GAL3ST1: variants seen among roughly 807,000 people sequenced by gnomAD.
GAL3ST1 encodes galactose-3-O-sulfotransferase 1, also known as galactosylceramide sulfotransferase.
In GAL3ST1, 13 loss-of-function variants were observed where a neutral mutation model predicts 25.0. The observed-to-expected ratio is 0.52, with a 90% CI of 0.34 to 0.83. The LOEUF is 0.83. GAL3ST1 is among the 40% of genes least tolerant of loss of function. GAL3ST1 has a pLI of 0.02. For missense variants in GAL3ST1, 474 were observed against 613.6 expected (o/e 0.77, Z 2.40); for synonymous variants, 274 against 277.8 (o/e 0.99, Z 0.14).
intron 1 of GAL3ST1, among the ~76,000 whole-genome samples, chr22:30,564,004 C>T (rs1335966722): frequency 6.6e-6 from 1 of 152,096 alleles, no homozygotes; most frequent in Non-Finnish European, 1.5e-5. Flanking sequence ...ACTTGGGTTC[C>T]ATCTCCAAGA....
intron 1 of GAL3ST1, among the ~76,000 whole-genome samples, chr22:30,561,172 G>A (rs569001547): frequency 1.3e-5 from 2 of 152,316 alleles, no homozygotes; most frequent in Non-Finnish European, 2.9e-5. Context: ...TCAAACTCCT[G>A]ACTTCAAGCG....
Position 30,555,258 on chromosome 22 carries a change from C to G in GAL3ST1, c.967G>C (p.Gly323Arg), listed in dbSNP as rs1156431874. ...ASFWRKVEAF[G>R]RERMAREVAA... ...ACCTCGCGGGCCATGCGCTCCCGCCCGAAGGCCTCCACCTTGCGCCAGAAG... is the reference window on the plus strand; with the variant it reads ...ACCTCGCGGGCCATGCGCTCCCGCCGGAAGGCCTCCACCTTGCGCCAGAAG... Residue 323 changes from glycine to arginine, a missense_variant, in exon 4 of 4, where the codon GGG (glycine) becomes CGG (arginine). By Grantham distance (125) the Gly-to-Arg change is moderately radical. Coordinates refer to ENST00000406361, the MANE Select transcript of GAL3ST1 (RefSeq NM_001318104.2). The surrounding 1 kb of genome is among the most constrained non-coding windows in gnomAD (Gnocchi z 8.6). 1 of 1,600,368 alleles carries G rather than the reference C, an allele frequency of 6.2e-7. No individual in the cohort carries two copies. The highest frequency in any genetic ancestry group is 2.2e-5 in the East Asian group (1 of 44,584).
At chr22:30,557,457 C>T in intron 2 of GAL3ST1, 56 bp from the exon 3 acceptor site, 1 of 1,598,228 alleles carries the variant, frequency 6.3e-7, no homozygotes, top group South Asian at 1.1e-5. Context: ...CAGGGAGCCC[C>T]CAAGGCTGCC....
chr22:30,568,896 T>C (rs5753210), intron 1 of GAL3ST1, among the ~76,000 whole-genome samples: 1 of 151,720 alleles, frequency 6.6e-6, no homozygotes, highest in African/African-American at 2.4e-5. Flanking sequence ...GCCAACATGG[T>C]GAAACCCCGT....
rs544166056 is a variant in GAL3ST1 at position 30,557,190 on chromosome 22, T to A, written c.131+72A>T. On this transcript the variant is annotated intron_variant, in intron 3 of 3. Transcript: ENST00000406361. ...TCACTGGGGCAGGCCCTGTGGTAAT[T>A]ACAGGGCCCCATGGGTGGGGTGCCA... 3 of 1,504,096 alleles carry A rather than the reference T, an allele frequency of 2.0e-6. No individual in the cohort carries two copies. In the South Asian group the frequency reaches 3.5e-5, roughly 18 times the overall value. 93.2% of individuals were successfully genotyped at this position (1,504,096 alleles called of 1,614,324 possible). A position where few individuals can be genotyped will look rare whatever the true frequency, so the allele number is the denominator to read the frequency against.
intron 1 of GAL3ST1, among the ~76,000 whole-genome samples, chr22:30,564,534 G>A (rs948300309): frequency 1.3e-5 from 2 of 152,236 alleles, no homozygotes; most frequent in East Asian, 1.9e-4. Context: ...CGGTCCCCCC[G>A]TCACCAGCCC....
At chr22:30,564,064 C>T (rs1030931558) in intron 1 of GAL3ST1, among the ~76,000 whole-genome samples, 2 of 152,178 alleles carry the variant, frequency 1.3e-5, no homozygotes, top group South Asian at 2.1e-4. Context: ...AATCTGAAAT[C>T]CGAAACACTT....
At chr22:30,569,152 G>A (rs967824106) in intron 1 of GAL3ST1, among the ~76,000 whole-genome samples, 6 of 151,922 alleles carry the variant, frequency 3.9e-5, no homozygotes, top group African/African-American at 7.3e-5. Context: ...TAGATCCTGT[G>A]GGCTGTAGGG....
intron 1 of GAL3ST1, among the ~76,000 whole-genome samples, chr22:30,574,073 G>A (rs974687845): frequency 6.6e-6 from 1 of 152,090 alleles, no homozygotes. Flanking sequence ...GGAGACAGGG[G>A]AGATCTCTGC....
chr22:30,573,320 G>T (rs1381695870), intron 1 of GAL3ST1, among the ~76,000 whole-genome samples: 1 of 152,200 alleles, frequency 6.6e-6, no homozygotes, highest in East Asian at 1.9e-4. Context: ...AGACTCCTAT[G>T]ATTTGGAGTC....
At position 30,555,076 on chromosome 22, in the gene GAL3ST1, C is replaced by A. The variant is rs2085909289; in HGVS notation, c.1149G>T (p.Gly383=). 3 of 1,612,586 alleles carry A rather than the reference C, an allele frequency of 1.9e-6. No homozygotes were observed. Among genetic ancestry groups the A allele is most frequent in the Non-Finnish European group, 2.5e-6 (3 of 1,179,752 alleles). The change falls in exon 4 of 4, where the codon GGG becomes GGT. Residue 383 remains glycine, a synonymous_variant. Coordinates refer to ENST00000406361, the MANE Select transcript of GAL3ST1 (RefSeq NM_001318104.2). The surrounding 1 kb of genome is among the most constrained non-coding windows in gnomAD (Gnocchi z 8.6). ...GCCGGCAGAGCTGCGCGTGCCGCTG[C>A]CCGATGCTCTTCTTGAGGTTGTAGC... The part of the protein sequence containing the change: ...ILGYNLKKSI[G]QRHAQLCRRM...
chr22:30,565,846 G>A (rs1034489000), intron 1 of GAL3ST1, among the ~76,000 whole-genome samples: 1 of 152,182 alleles, frequency 6.6e-6, no homozygotes, highest in Non-Finnish European at 1.5e-5. Context: ...CTTGTGCCCA[G>A]AAATGCCTCC....
At chr22:30,571,347 G>C (rs893968226) in intron 1 of GAL3ST1, among the ~76,000 whole-genome samples, 1 of 152,184 alleles carries the variant, frequency 6.6e-6, no homozygotes. Context: ...CTGGAGCAGA[G>C]AGGGGGAAGA....
intron 1 of GAL3ST1, among the ~76,000 whole-genome samples, chr22:30,572,324 C>T (rs917114396): frequency 1.3e-5 from 2 of 152,128 alleles, no homozygotes; most frequent in African/African-American, 2.4e-5. Context: ...TGCACAATGC[C>T]GGAGATACAT....
At position 30,556,404 on chromosome 22, in the gene GAL3ST1, T is replaced by G. The variant is rs527932216; in HGVS notation, c.132-311A>C. ...TGAATCAGTATCAGCTTGGGCCACATGAAACTGCCATTTTATAGGACAAAA... is the reference window on the plus strand; with the variant it reads ...TGAATCAGTATCAGCTTGGGCCACAGGAAACTGCCATTTTATAGGACAAAA... On this transcript the variant is annotated intron_variant, in intron 3 of 3. Transcript: ENST00000406361. Among the ~76,000 whole-genome samples, 8 of 152,270 alleles carry G rather than the reference T, an allele frequency of 5.3e-5. No individual in the cohort carries two copies. In the South Asian group the frequency reaches 1.7e-3, roughly 32 times the overall value.
Position 30,555,458 on chromosome 22 carries a change from T to C in GAL3ST1, c.767A>G (p.Asp256Gly). Residue 256 changes from aspartate (D) to glycine (G), a missense_variant, in exon 4 of 4, where the codon GAC (aspartate) becomes GGC (glycine). Physicochemically the swap from Asp to Gly is moderately conservative, Grantham distance 94. This residue lies in a region of GAL3ST1 where 359 missense variants were observed against 504.4 expected (regional missense o/e 0.71). Coordinates refer to ENST00000406361, the MANE Select transcript of GAL3ST1 (RefSeq NM_001318104.2). This position sits in a 1 kb window ranked among gnomAD's most constrained non-coding sequence, Gnocchi z 8.6. ...GTCCTTCAGCAGCACCAGCGACTCG[T>C]CGAAGTACTCTTGAAGGAGCACCAG... is the stretch of plus-strand genomic sequence containing the variant. The part of the protein sequence containing the change: ...FHLVLLQEYF[D>G]ESLVLLKDLL... The C allele has an allele frequency of 6.2e-7, 1 of 1,613,152 alleles. No individual in the cohort carries two copies. Among genetic ancestry groups the C allele is most frequent in the Admixed American group, 1.7e-5 (1 of 60,028 alleles).
chr22:30,571,943 G>A (rs957124100), intron 1 of GAL3ST1, among the ~76,000 whole-genome samples: 2 of 152,228 alleles, frequency 1.3e-5, no homozygotes, highest in Non-Finnish European at 2.9e-5. Context: ...AGCCCCATGT[G>A]ATGTGTGGGG....
In GAL3ST1 at chr22:30,556,017, C is replaced by G. The variant is rs761774463; in HGVS notation, c.208G>C (p.Gly70Arg). The change falls in exon 4 of 4, where the codon GGG becomes CGG. Residue 70 changes from glycine (G) to arginine (R), a missense_variant. Gly to Arg is a moderately radical substitution (Grantham distance 125). Coordinates refer to ENST00000406361, the MANE Select transcript of GAL3ST1 (RefSeq NM_001318104.2). ...EAVIRANGSA[G>R]ECQPRRNIVF... is the part of the protein sequence containing the mutation. The stretch of plus-strand genomic sequence containing the variant: ...ATGTTGCGCCGCGGCTGGCACTCCC[C>G]CGCCGAGCCGTTGGCCCGGATCACT... 9 of 1,612,620 alleles carry G rather than the reference C, an allele frequency of 5.6e-6. No homozygotes were observed. In the East Asian group the frequency reaches 6.7e-5, roughly 12 times the overall value.
chr22:30,567,910 T>TA (rs1462728111), intron 1 of GAL3ST1, among the ~76,000 whole-genome samples: 1 of 152,164 alleles, frequency 6.6e-6, no homozygotes. Flanking sequence ...CTCAAACTTC[T>TA]GACCTCAAGT....
Sources: allele counts gnomAD v4.1 joint callset (sites outside exome capture counted in the v4.1 genomes callset), GRCh38; gene constraint gnomAD v4.1.1; regional missense constraint gnomAD v4.1.1; non-coding constraint Gnocchi (gnomAD v3.1); transcripts MANE v1.5; gene names NCBI Gene and HGNC (gene_info 2026-07-23, HGNC 2026-07-21).